Variants in TRMT11 observed in about 807,000 individuals in gnomAD.
The protein encoded by TRMT11 is tRNA (guanine(10)-N(2))-methyltransferase TRMT11.
Under a neutral mutation model 62.8 loss-of-function variants are expected in TRMT11, and 53 were observed. That is an observed-to-expected ratio of 0.84 (90% CI 0.68 to 1.06). TRMT11 has a LOEUF of 1.06. Among genes scored for constraint, TRMT11 ranks in the 50% least tolerant of loss-of-function variants. The probability of loss-of-function intolerance (pLI) is 0.00; values close to 1 mark genes in which losing one functional copy is unlikely to be tolerated. For missense variants in TRMT11, 556 were observed against 553.4 expected (o/e 1.00, Z -0.05); for synonymous variants, 188 against 190.3 (o/e 0.99, Z 0.10).
chr6:126,006,938 A>C (rs1293030847), intron 7 of TRMT11: 2 of 151,996 alleles, frequency 1.3e-5, no homozygotes, highest in Non-Finnish European at 2.9e-5. Flanking sequence ...GTTCCCCTTG[A>C]CAACTAGTTC....
At chr6:126,066,585 C>T (rs1776698391) in intron 17 of TRMT11, among the ~76,000 whole-genome samples, 1 of 152,126 alleles carries the variant, frequency 6.6e-6, no homozygotes, top group Non-Finnish European at 1.5e-5. Context: ...CTCAAAAGCC[C>T]CACCTCTGAA....
Position 126,039,068 on chromosome 6 carries a change from T to G in TRMT11, c.*232T>G. 1 of 325,464 alleles carries G rather than the reference T, an allele frequency of 3.1e-6. No individual in the cohort carries two copies. Among genetic ancestry groups the G allele is most frequent in the Non-Finnish European group, 5.5e-6 (1 of 181,370 alleles). The allele number at this position is 325,464 out of a possible 1,614,324, so 20.2% of individuals were successfully genotyped here. On this transcript the variant is annotated 3_prime_UTR_variant, in exon 13 of 13. Transcript: ENST00000334379. ...TTTAATGTATATTTGTACTTTCAAGTACTGATGGAGATAGACTCAAAACAG... is the reference window on the plus strand; with the variant it reads ...TTTAATGTATATTTGTACTTTCAAGGACTGATGGAGATAGACTCAAAACAG...
the TRMT11 span, among the ~76,000 whole-genome samples, chr6:126,245,048 G>A: frequency 1.3e-5 from 2 of 152,130 alleles, no homozygotes; most frequent in Non-Finnish European, 2.9e-5. Context: ...TTTAGATAAA[G>A]GTTGACATAT....
chr6:126,041,018 A>G (rs1164439294), downstream of TRMT11, among the ~76,000 whole-genome samples: 3 of 152,098 alleles, frequency 2.0e-5, no homozygotes. Flanking sequence ...TTTCCTTATG[A>G]CTAACTCTTT....
At chr6:126,197,038 T>G (rs1778675048) in intron 1 of TRMT11, among the ~76,000 whole-genome samples, 1 of 152,212 alleles carries the variant, frequency 6.6e-6, no homozygotes, top group African/African-American at 2.4e-5. Flanking sequence ...TATTTTGAAT[T>G]GAGTTTTTGA....
intron 21 of TRMT11, among the ~76,000 whole-genome samples, chr6:126,134,246 T>C (rs1384747703): frequency 6.6e-6 from 1 of 151,832 alleles, no homozygotes; most frequent in Non-Finnish European, 1.5e-5. Flanking sequence ...ATATGTTGCC[T>C]ACAAGAAAGT....
intron 6 of TRMT11, 45 bp from the exon 7 acceptor site, chr6:125,999,410 GTC>G: frequency 6.8e-7 from 1 of 1,464,384 alleles, no homozygotes. Context: ...ATTATCTTAA[GTC>G]TATTCTGTAT....
At chr6:126,113,723 T>C (rs1337523023) in intron 18 of TRMT11, among the ~76,000 whole-genome samples, 1 of 152,092 alleles carries the variant, frequency 6.6e-6, no homozygotes, top group African/African-American at 2.4e-5. Flanking sequence ...GCTTTGTGTC[T>C]TCTCTTTAAA....
chr6:126,183,649 T>C (rs1030942997), intron 1 of TRMT11, among the ~76,000 whole-genome samples: 3 of 152,072 alleles, frequency 2.0e-5, no homozygotes, highest in African/African-American at 7.2e-5. Context: ...GGAATTGAAA[T>C]GAGATCCTGT....
intron 7 of TRMT11, among the ~76,000 whole-genome samples, chr6:126,004,176 G>T (rs1423593843): frequency 6.6e-6 from 1 of 151,926 alleles, no homozygotes; most frequent in Non-Finnish European, 1.5e-5. Context: ...AAAAAATATG[G>T]TTGCCAGTAT....
rs923398518 is a variant in TRMT11 at position 126,081,336 on chromosome 6, G to C, written c.*1437+28146G>C. Among the ~76,000 whole-genome samples, 20 of 152,162 alleles carry C rather than the reference G, an allele frequency of 1.3e-4. 1 individual carries two copies. Among genetic ancestry groups the C allele is most frequent in the Non-Finnish European group, 2.9e-5 (2 of 68,016 alleles). The stretch of plus-strand genomic sequence containing the variant: ...AGCCAAGAGTAGACTTCACGCTCTT[G>C]AGTCAGAGCTATGTCAATTCTTTCT... On this transcript the variant is annotated intron_variant and NMD_transcript_variant, in intron 17 of 22. Coordinates refer to the TRMT11 transcript ENST00000648977.
At chr6:126,132,921 CT>C (rs1402448549) in intron 21 of TRMT11, among the ~76,000 whole-genome samples, 1 of 151,976 alleles carries the variant, frequency 6.6e-6, no homozygotes, top group Non-Finnish European at 1.5e-5. Flanking sequence ...TTTGCCAAAA[CT>C]TTTTTTCCCT....
downstream of TRMT11, among the ~76,000 whole-genome samples, chr6:126,208,791 A>G (rs1275170198): frequency 6.6e-6 from 1 of 152,260 alleles, no homozygotes; most frequent in African/African-American, 2.4e-5. Context: ...ACTCCAATAT[A>G]TTATTGTTTG....
At chr6:126,242,640 A>C in the TRMT11 span, among the ~76,000 whole-genome samples, 1 of 152,212 alleles carries the variant, frequency 6.6e-6, no homozygotes, top group African/African-American at 2.4e-5. Flanking sequence ...CACATCTACA[A>C]CTATCTGATC....
At chr6:126,142,700 A>C (rs1399467444) in intron 21 of TRMT11, among the ~76,000 whole-genome samples, 1 of 152,110 alleles carries the variant, frequency 6.6e-6, no homozygotes, top group East Asian at 1.9e-4. Context: ...AGCACTAGTA[A>C]GCTGTCTGAC....
At chr6:126,025,898 GTGTAAATGTAAGTT>G (rs1562281770) in intron 12 of TRMT11, among the ~76,000 whole-genome samples, 1 of 152,136 alleles carries the variant, frequency 6.6e-6, no homozygotes, top group African/African-American at 2.4e-5. Context: ...TCTTTTAAAA[GTGTAAATGTAAGTT>G]ACAACAAAAA....
chr6:126,053,917 G>T (rs1776291618), intron 17 of TRMT11, among the ~76,000 whole-genome samples: 2 of 152,192 alleles, frequency 1.3e-5, no homozygotes, highest in Non-Finnish European at 2.9e-5. Flanking sequence ...AGGGCGGGAA[G>T]GGGGATTCCA....
At chr6:126,022,907 A>G (rs1321107414) in intron 12 of TRMT11, among the ~76,000 whole-genome samples, 2 of 152,228 alleles carry the variant, frequency 1.3e-5, no homozygotes, top group African/African-American at 4.8e-5. Context: ...TTTATATTCA[A>G]ATGACATCCT....
At chr6:126,213,222 CT>C in the TRMT11 span, among the ~76,000 whole-genome samples, 5 of 151,936 alleles carry the variant, frequency 3.3e-5, no homozygotes, top group Non-Finnish European at 7.4e-5. Flanking sequence ...CAGTTTTGTT[CT>C]TTTTGCTCAG....
Sources: allele counts gnomAD v4.1 joint callset (sites outside exome capture counted in the v4.1 genomes callset), GRCh38; gene constraint gnomAD v4.1.1; transcripts MANE v1.5; gene names NCBI Gene and HGNC (gene_info 2026-07-23, HGNC 2026-07-21).